GLIS3: variants seen among roughly 807,000 people sequenced by gnomAD.
GLIS3 encodes the protein GLIS family zinc finger 3, also known as zinc finger protein GLIS3.
GLIS3 carries 53 observed loss-of-function variants against 78.6 expected under a neutral mutation model. That is an observed-to-expected ratio of 0.67 (90% CI 0.54 to 0.85). GLIS3 has a LOEUF of 0.85. Among genes scored for constraint, GLIS3 ranks in the 40% least tolerant of loss-of-function variants. The pLI is 0.00. For missense variants in GLIS3, 1,703 were observed against 1,231.1 expected, an observed-to-expected ratio of 1.38 and a Z score of -5.74; for synonymous variants, 684 against 509.9, an observed-to-expected ratio of 1.34 and a Z score of -4.60.
At chr9:3,959,034 C>A (rs891448235) in intron 4 of GLIS3, among the ~76,000 whole-genome samples, 2 of 152,212 alleles carry the variant, frequency 1.3e-5, no homozygotes, top group Non-Finnish European at 2.9e-5. Flanking sequence ...AGTAGGCACT[C>A]TATGAATATG....
the GLIS3 span, among the ~76,000 whole-genome samples, chr9:4,409,726 G>A: frequency 6.6e-6 from 1 of 152,060 alleles, no homozygotes; most frequent in African/African-American, 2.4e-5. Flanking sequence ...AGGAACAAAT[G>A]ATAAATCACA....
intron 2 of GLIS3, among the ~76,000 whole-genome samples, chr9:4,329,988 C>G (rs1817661829): frequency 6.6e-6 from 1 of 152,122 alleles, no homozygotes; most frequent in African/African-American, 2.4e-5. Flanking sequence ...TTTTTCTTCT[C>G]TATATTTCCT....
At chr9:3,954,776 G>T (rs1816974305) in intron 4 of GLIS3, among the ~76,000 whole-genome samples, 1 of 152,146 alleles carries the variant, frequency 6.6e-6, no homozygotes, top group African/African-American at 2.4e-5. Context: ...ATTCTTTCAG[G>T]ATCTAGAGGA....
At chr9:3,930,678 G>A (rs753605399) in intron 6 of GLIS3, among the ~76,000 whole-genome samples, 7 of 152,108 alleles carry the variant, frequency 4.6e-5, no homozygotes, top group East Asian at 3.8e-4. Context: ...ATAGGGGACC[G>A]ATACTCTTTC....
At chr9:4,352,787 G>A (rs928729954), upstream of GLIS3, among the ~76,000 whole-genome samples, 7 of 152,202 alleles carry the variant, frequency 4.6e-5, no homozygotes, top group African/African-American at 1.7e-4. Context: ...TACAGAATTG[G>A]TCATAAATAA....
At chr9:4,325,838 TG>T (rs1450123601) in intron 2 of GLIS3, among the ~76,000 whole-genome samples, 1 of 152,234 alleles carries the variant, frequency 6.6e-6, no homozygotes, top group Non-Finnish European at 1.5e-5. Context: ...AAAGAAAATG[TG>T]GTACATATAC....
intron 2 of GLIS3, among the ~76,000 whole-genome samples, chr9:4,207,143 A>G (rs1008147528): frequency 2.6e-5 from 4 of 152,176 alleles, no homozygotes; most frequent in Admixed American, 2.0e-4. Context: ...AGAATAATCC[A>G]TAACATCTTT....
the GLIS3 span, among the ~76,000 whole-genome samples, chr9:4,481,135 C>A: frequency 9.9e-5 from 15 of 151,958 alleles, no homozygotes; most frequent in Admixed American, 9.8e-4. Flanking sequence ...GGATTACAGG[C>A]ATAAGCCACC....
At position 4,139,611 on chromosome 9, in the gene GLIS3, C is replaced by A. The variant is rs184878159; in HGVS notation, c.389-13670G>T. On this transcript the variant is annotated intron_variant, in intron 2 of 10. Coordinates refer to ENST00000381971, the MANE Select transcript of GLIS3 (RefSeq NM_001042413.2). ...GGTAGTCTAAGCCAGCAGTCCCCAA[C>A]CTTTTTGGCCCCAGGGACTGGTTTC... Among the ~76,000 whole-genome samples the A allele has an allele frequency of 4.8e-3, 727 of 152,266 alleles. 6 individuals carry two copies. Among genetic ancestry groups the A allele is most frequent in the African/African-American group, 0.017 (696 of 41,562 alleles).
Position 4,232,370 on chromosome 9 carries a change from G to C in GLIS3, c.388+53668C>G, listed in dbSNP as rs563200077. On this transcript the variant is annotated intron_variant, in intron 2 of 10. Transcript: ENST00000381971. Reference sequence around the variant, plus strand: ...TACTCAAGCCTGGGTGACAGAGGCAGACCTTGTCTCTTAAAAAAAAAAAAA... The same window carrying C: ...TACTCAAGCCTGGGTGACAGAGGCACACCTTGTCTCTTAAAAAAAAAAAAA... Among the ~76,000 whole-genome samples the C allele has an allele frequency of 9.3e-4, 107 of 115,512 alleles. 1 individual carries two copies. The South Asian group carries it at 0.032, about 34-fold the overall frequency. 75.8% of individuals were successfully genotyped at this position (115,512 alleles called of 152,430 possible). A position where few individuals can be genotyped will look rare whatever the true frequency, so the allele number is the denominator to read the frequency against.
chr9:4,321,229 G>C (rs1211978819), intron 2 of GLIS3, among the ~76,000 whole-genome samples: 1 of 143,612 alleles, frequency 7.0e-6, no homozygotes, highest in Non-Finnish European at 1.5e-5. Context: ...GACCATCCTG[G>C]CTAACACGGT....
At chr9:4,181,464 C>T (rs1249386210) in intron 2 of GLIS3, among the ~76,000 whole-genome samples, 2 of 152,206 alleles carry the variant, frequency 1.3e-5, no homozygotes, top group African/African-American at 4.8e-5. Flanking sequence ...CTGGCTTACA[C>T]AGAGGGGTGG....
At chr9:4,166,737 A>G (rs1047251605) in intron 2 of GLIS3, among the ~76,000 whole-genome samples, 2 of 152,236 alleles carry the variant, frequency 1.3e-5, no homozygotes, top group African/African-American at 4.8e-5. Context: ...ACTCTGATGA[A>G]GGCATAAGTG....
At chr9:3,855,411 A>T (rs1819709994) in intron 9 of GLIS3, 2 of 156,018 alleles carry the variant, frequency 1.3e-5, no homozygotes, top group Admixed American at 6.2e-5. Flanking sequence ...TGGGTCAGAA[A>T]ATGCTCACAA....
At chr9:4,490,144 G>A in the GLIS3 span, among the ~76,000 whole-genome samples, 1 of 152,220 alleles carries the variant, frequency 6.6e-6, no homozygotes, top group African/African-American at 2.4e-5. Flanking sequence ...TGAAGTCCGC[G>A]CCCAGGAGGG....
chr9:4,055,643 C>T (rs560914360), intron 4 of GLIS3, among the ~76,000 whole-genome samples: 2 of 152,182 alleles, frequency 1.3e-5, no homozygotes, highest in African/African-American at 2.4e-5. Flanking sequence ...TTCAAAGCCC[C>T]GCAGAGGAAA....
At chr9:4,467,481 C>G in the GLIS3 span, among the ~76,000 whole-genome samples, 1 of 152,208 alleles carries the variant, frequency 6.6e-6, no homozygotes, top group East Asian at 1.9e-4. Context: ...GCAATATTTG[C>G]TGTTCCGCAG....
At chr9:4,407,531 C>G in the GLIS3 span, among the ~76,000 whole-genome samples, 1 of 152,196 alleles carries the variant, frequency 6.6e-6, no homozygotes, top group Non-Finnish European at 1.5e-5. Context: ...CCTGTAGTCC[C>G]AGCTACTCGG....
chr9:3,943,302 T>C (rs12685461), intron 4 of GLIS3, among the ~76,000 whole-genome samples: 20,412 of 152,300 alleles, frequency 0.13, 1,641 homozygotes, highest in Middle Eastern at 0.23. Context: ...GAATCGATTA[T>C]GTGGAGTAAT....
Sources: gnomAD v4.1 joint callset for allele counts (sites outside exome capture counted in the v4.1 genomes callset) on GRCh38, gnomAD v4.1.1 for gene constraint, MANE v1.5 for transcripts, NCBI Gene and HGNC (gene_info 2026-07-23, HGNC 2026-07-21) for gene names.